The following ADAMTSL1 variants were observed in gnomAD, a reference collection of about 807,000 sequenced individuals.
ADAMTSL1 encodes the protein ADAMTS like 1.
In ADAMTSL1, 126 loss-of-function variants were observed where a neutral mutation model predicts 201.8. The observed-to-expected ratio is 0.62, with a 90% CI of 0.54 to 0.72. ADAMTSL1 has a LOEUF of 0.72. ADAMTSL1 is among the 30% of genes least tolerant of loss of function. The pLI is 0.00. For missense variants in ADAMTSL1, 2,679 were observed against 2,277.8 expected (o/e 1.18, Z -3.59); for synonymous variants, 1,121 against 903.4 (o/e 1.24, Z -4.32).
chr9:18,261,790 CA>C (rs973527563), intron 2 of ADAMTSL1, among the ~76,000 whole-genome samples: 175 of 152,214 alleles, frequency 1.1e-3, no homozygotes, highest in African/African-American at 4.1e-3. Flanking sequence ...AGGTGGCACG[CA>C]TATCATATGT....
chr9:18,210,819 A>G (rs1219441228), intron 2 of ADAMTSL1, among the ~76,000 whole-genome samples: 1 of 151,716 alleles, frequency 6.6e-6, no homozygotes, highest in Non-Finnish European at 1.5e-5. Context: ...TCTTTTCTTT[A>G]AATAGTAATT....
rs34900718 is a variant in ADAMTSL1, at chr9:18,652,365, CAAAA to C, written c.835-5259_835-5256del. Among the ~76,000 whole-genome samples, 645 of 94,952 alleles carry C rather than the reference CAAAA, an allele frequency of 6.8e-3. 9 individuals carry two copies. Among genetic ancestry groups the C allele is most frequent in the African/African-American group, 0.025 (605 of 23,800 alleles). The allele number at this position is 94,952 out of a possible 152,430, so 62.3% of individuals were successfully genotyped here. On this transcript the variant is annotated intron_variant, in intron 7 of 28. Coordinates refer to ENST00000380548, the MANE Select transcript of ADAMTSL1 (RefSeq NM_001040272.6). ...GGGTGACAAGAACAAAACTCCATCTCAAAAAAAAAAAAAAAAAAGGAAAAAAAAA... is the reference window on the plus strand; with the variant it reads ...GGGTGACAAGAACAAAACTCCATCTCAAAAAAAAAAAAAAGGAAAAAAAAA...
chr9:18,398,011 G>A (rs1355989642), intron 2 of ADAMTSL1, among the ~76,000 whole-genome samples: 2 of 152,116 alleles, frequency 1.3e-5, no homozygotes, highest in African/African-American at 4.8e-5. Flanking sequence ...TCTTGCTCAG[G>A]GCAGTGTACA....
At chr9:18,115,605 C>A (rs970271333) in intron 1 of ADAMTSL1, among the ~76,000 whole-genome samples, 1 of 152,138 alleles carries the variant, frequency 6.6e-6, no homozygotes, top group Non-Finnish European at 1.5e-5. Flanking sequence ...GTTCTGGGCA[C>A]TTTTCTAGTG....
chr9:18,593,501 T>A (rs1824056421), intron 4 of ADAMTSL1, among the ~76,000 whole-genome samples: 1 of 152,100 alleles, frequency 6.6e-6, no homozygotes. Flanking sequence ...TTAAATTGTT[T>A]ATTTGAAATT....
intron 13 of ADAMTSL1, among the ~76,000 whole-genome samples, chr9:18,694,144 A>T (rs1330441295): frequency 1.3e-5 from 2 of 152,130 alleles, no homozygotes. Context: ...CGAGAACAGC[A>T]AGGGAGAAAT....
At chr9:18,218,541 A>G (rs1373706753) in intron 2 of ADAMTSL1, among the ~76,000 whole-genome samples, 1 of 152,154 alleles carries the variant, frequency 6.6e-6, no homozygotes, top group African/African-American at 2.4e-5. Flanking sequence ...ATGCTGGAGA[A>G]CTTCATGCTT....
In ADAMTSL1 at chr9:18,646,593, G is replaced by A. The variant is rs531341451; in HGVS notation, c.834+7182G>A. Among the ~76,000 whole-genome samples the A allele has an allele frequency of 2.9e-3, 427 of 145,080 alleles. 7 individuals are homozygous for A. Among genetic ancestry groups the A allele is most frequent in the African/African-American group, 9.9e-3 (387 of 38,906 alleles). ...ATACCTAATTTATTGAGACTTTTTAGCATGAAGGGTTGTTGAATTTTGTCA... is the reference window on the plus strand; with the variant it reads ...ATACCTAATTTATTGAGACTTTTTAACATGAAGGGTTGTTGAATTTTGTCA... On this transcript the variant is annotated intron_variant, in intron 7 of 28. Transcript: ENST00000380548.
rs200844686 is a variant in ADAMTSL1 at position 18,887,024 on chromosome 9, A to G, written c.4250-807A>G. On this transcript the variant is annotated intron_variant, in intron 23 of 28. Transcript: ENST00000380548. ...AGTGAACTGAGGGGGAAAAAAATCTATAGATTCTTTAATTTTCAATGACTT... is the reference window on the plus strand; with the variant it reads ...AGTGAACTGAGGGGGAAAAAAATCTGTAGATTCTTTAATTTTCAATGACTT... Among the ~76,000 whole-genome samples the G allele has an allele frequency of 6.6e-3, 1,000 of 152,112 alleles. 14 individuals carry two copies. The highest frequency in any genetic ancestry group is 0.023 in the African/African-American group (949 of 41,454).
At chr9:18,737,532 G>C (rs1324176910) in intron 15 of ADAMTSL1, among the ~76,000 whole-genome samples, 5 of 151,936 alleles carry the variant, frequency 3.3e-5, no homozygotes. Flanking sequence ...CTTCCCAATA[G>C]GCTTTATTGG....
chr9:18,676,489 A>G (rs998296848), intron 10 of ADAMTSL1, among the ~76,000 whole-genome samples: 2 of 152,144 alleles, frequency 1.3e-5, no homozygotes, highest in African/African-American at 4.8e-5. Flanking sequence ...TTTTTAAAGT[A>G]CAGTACTTTT....
intron 3 of ADAMTSL1, among the ~76,000 whole-genome samples, chr9:18,566,298 C>G (rs779970432): frequency 2.0e-5 from 3 of 152,196 alleles, no homozygotes; most frequent in Non-Finnish European, 4.4e-5. Flanking sequence ...ATTCTTTCAA[C>G]AAATATTCGA....
chr9:18,264,386 C>A (rs1223446324), intron 2 of ADAMTSL1, among the ~76,000 whole-genome samples: 1 of 152,144 alleles, frequency 6.6e-6, no homozygotes, highest in African/African-American at 2.4e-5. Context: ...TGATTGTATA[C>A]CAGCCCTGAC....
At chr9:18,181,887 C>G (rs567921634) in intron 2 of ADAMTSL1, among the ~76,000 whole-genome samples, 17 of 152,118 alleles carry the variant, frequency 1.1e-4, no homozygotes, top group Admixed American at 1.1e-3. Flanking sequence ...GGAGCCAACC[C>G]AAATGTCCAA....
intron 1 of ADAMTSL1, among the ~76,000 whole-genome samples, chr9:17,917,862 C>T (rs1388180878): frequency 6.6e-6 from 1 of 151,862 alleles, no homozygotes; most frequent in Non-Finnish European, 1.5e-5. Flanking sequence ...AGATATGGGG[C>T]TATTAGGGTT....
intron 2 of ADAMTSL1, among the ~76,000 whole-genome samples, chr9:18,329,231 C>T (rs1451161771): frequency 1.3e-5 from 2 of 152,132 alleles, no homozygotes; most frequent in African/African-American, 2.4e-5. Context: ...TTACCAGACA[C>T]TGAATCTTAA....
chr9:18,730,228 G>A (rs375649381), intron 15 of ADAMTSL1, among the ~76,000 whole-genome samples: 1 of 152,238 alleles, frequency 6.6e-6, no homozygotes, highest in East Asian at 1.9e-4. Context: ...TTTTTCTATT[G>A]ACCTTATAGT....
intron 1 of ADAMTSL1, among the ~76,000 whole-genome samples, chr9:18,138,749 C>T (rs1052834739): frequency 2.6e-5 from 4 of 152,062 alleles, no homozygotes; most frequent in African/African-American, 9.7e-5. Context: ...AGCATCCTCA[C>T]GAACTCCTGC....
intron 1 of ADAMTSL1, among the ~76,000 whole-genome samples, chr9:18,482,087 C>A (rs1367302014): frequency 6.6e-6 from 1 of 152,152 alleles, no homozygotes; most frequent in African/African-American, 2.4e-5. Context: ...TAGAATTATA[C>A]CTAAAGTTCT....
Sources: gnomAD v4.1 joint callset for allele counts (sites outside exome capture counted in the v4.1 genomes callset) on GRCh38, gnomAD v4.1.1 for gene constraint, MANE v1.5 for transcripts, NCBI Gene and HGNC (gene_info 2026-07-23, HGNC 2026-07-21) for gene names.